PRKDC: variants seen among roughly 807,000 people sequenced by gnomAD.
The protein encoded by PRKDC is DNA-dependent protein kinase catalytic subunit.
Under a neutral mutation model 486.9 loss-of-function variants are expected in PRKDC, and 82 were observed. The ratio of observed to expected loss-of-function variants is 0.17; its 90% CI spans 0.14 to 0.20. The LOEUF (loss-of-function observed/expected upper bound fraction) is 0.20, where lower values mean the gene tolerates loss of function less well. PRKDC is among the 10% of genes least tolerant of loss of function. The probability of loss-of-function intolerance (pLI) is 1.00; values close to 1 mark genes in which losing one functional copy is unlikely to be tolerated. For synonymous variants in PRKDC, 1,895 were observed against 1,837.0 expected (o/e 1.03, Z -0.81); for missense variants, 4,504 against 5,038.2 (o/e 0.89, Z 3.21).
chr8:47,924,215 T>C (rs1291993628), intron 21 of PRKDC, among the ~76,000 whole-genome samples: 1 of 152,110 alleles, frequency 6.6e-6, no homozygotes, highest in Non-Finnish European at 1.5e-5. Flanking sequence ...TCATAATATA[T>C]TTTCCCGGCC....
chr8:47,797,949 G>A (rs181829106), intron 73 of PRKDC, among the ~76,000 whole-genome samples: 5 of 152,310 alleles, frequency 3.3e-5, no homozygotes, highest in African/African-American at 1.2e-4. Context: ...GGGGCAACAA[G>A]TTTCCCACAC....
intron 40 of PRKDC, among the ~76,000 whole-genome samples, chr8:47,872,737 A>G (rs918721617): frequency 1.3e-5 from 2 of 152,204 alleles, no homozygotes; most frequent in Admixed American, 6.5e-5. Flanking sequence ...GCAAGAGGAT[A>G]TAACAATTGT....
intron 18 of PRKDC, among the ~76,000 whole-genome samples, chr8:47,929,648 G>T (rs2090217101): frequency 1.3e-5 from 2 of 152,174 alleles, no homozygotes; most frequent in Admixed American, 6.5e-5. Context: ...AATTAGCCAG[G>T]TGTTTGAGCA....
rs1394742786 is a variant in PRKDC at position 47,776,889 on chromosome 8, T to G, written c.12137A>C (p.Tyr4046Ser). Reference protein sequence around the residue: ...KNWYPRQKICYAKRKLAGANP... With the variant: ...KNWYPRQKICSAKRKLAGANP... ...GGCACCTGCTAACTTTCTCTTAGCG[T>G]AACATATTTTCTGTCGGGGGTACCA... Residue 4046 changes from tyrosine to serine, a missense_variant, in exon 85 of 86, where the codon TAC becomes TCC. This residue lies in a region of PRKDC where 706 missense variants were observed against 945.0 expected (regional missense o/e 0.75). Coordinates refer to ENST00000314191, the MANE Select transcript of PRKDC (RefSeq NM_006904.7). 6.2e-7 allele frequency: 1 copy of G among 1,614,022 alleles called. No homozygotes were observed. Among genetic ancestry groups the G allele is most frequent in the Non-Finnish European group, 8.5e-7 (1 of 1,179,888 alleles).
chr8:47,786,598 T>C (rs139502124), intron 76 of PRKDC, among the ~76,000 whole-genome samples: 41 of 151,846 alleles, frequency 2.7e-4, no homozygotes, highest in African/African-American at 9.4e-4. Context: ...AGTAGTTCAA[T>C]AGAAATAAAT....
At chr8:47,867,405 C>G (rs949074796) in intron 40 of PRKDC, among the ~76,000 whole-genome samples, 2 of 152,122 alleles carry the variant, frequency 1.3e-5, no homozygotes, top group African/African-American at 4.8e-5. Context: ...ATAAGCACTA[C>G]TAATTGGTGT....
At chr8:47,828,993 C>T (rs1001339387) in intron 61 of PRKDC, among the ~76,000 whole-genome samples, 10 of 152,196 alleles carry the variant, frequency 6.6e-5, no homozygotes, top group Admixed American at 4.6e-4. Context: ...TTTATTTATT[C>T]ATGCTGTGAC....
At chr8:47,923,068 T>C (rs2090098883) in intron 21 of PRKDC, among the ~76,000 whole-genome samples, 1 of 146,342 alleles carries the variant, frequency 6.8e-6, no homozygotes, top group Non-Finnish European at 1.5e-5. Flanking sequence ...AAGTCATTCT[T>C]TTTTTTTTTT....
chr8:47,802,413 C>A (rs75840615), intron 70 of PRKDC, among the ~76,000 whole-genome samples: 2,048 of 152,120 alleles, frequency 0.013, 27 homozygotes, highest in Non-Finnish European at 0.019. Flanking sequence ...CAAACCCAAA[C>A]CTGTACAAGA....
In PRKDC at chr8:47,904,851, G is replaced by T. The variant is rs56169650; in HGVS notation, c.3042+18C>A. On this transcript the variant is annotated intron_variant, in intron 26 of 85. Transcript: ENST00000314191. ...CTAATCGATGGGAGTAAGAGGAAAAGAATCAACTATTACTTACCAATATAG... is the reference window on the plus strand; with the variant it reads ...CTAATCGATGGGAGTAAGAGGAAAATAATCAACTATTACTTACCAATATAG... 1,464 of 1,485,702 alleles carry T rather than the reference G, an allele frequency of 9.9e-4. 12 individuals carry two copies. The African/African-American group carries it at 0.018, about 18-fold the overall frequency. The allele number at this position is 1,485,702 out of a possible 1,614,324, so 92.0% of individuals were successfully genotyped here.
chr8:47,809,580 T>C (rs754148478), intron 68 of PRKDC, among the ~76,000 whole-genome samples: 10 of 151,974 alleles, frequency 6.6e-5, no homozygotes, highest in Non-Finnish European at 1.0e-4. Flanking sequence ...AGGGAACAAA[T>C]TAAACAAAGG....
Position 47,849,223 on chromosome 8 carries a change from C to T in PRKDC, c.7211G>A (p.Arg2404His), listed in dbSNP as rs750070103. ...GTACAGCTCTGTCATTCCCTCCACA[C>T]GACAAAGTACCACCTCCAGACAGAG... The part of the protein sequence containing the change: ...KTLCLEVVLC[R>H]VEGMTELYFQ... Residue 2404 changes from arginine to histidine, a missense_variant, in exon 54 of 86, where the codon CGT becomes CAT. Arg to His is a conservative substitution (Grantham distance 29). Around this residue, in one of 6 missense-constraint regions of PRKDC, gnomAD observed 1,592 missense variants for 1,724.6 expected, o/e 0.92. Transcript: ENST00000314191. 11 of 1,614,012 alleles carry T rather than the reference C, an allele frequency of 6.8e-6. No homozygotes were observed. Among genetic ancestry groups the T allele is most frequent in the Admixed American group, 1.7e-5 (1 of 60,020 alleles).
intron 29 of PRKDC, among the ~76,000 whole-genome samples, chr8:47,897,641 C>T (rs2089605563): frequency 6.6e-6 from 1 of 152,158 alleles, no homozygotes; most frequent in Non-Finnish European, 1.5e-5. Flanking sequence ...ATTACCTGTG[C>T]ACTTGTTATA....
intron 7 of PRKDC, among the ~76,000 whole-genome samples, chr8:47,951,724 GGAAAGAAA>G (rs112391082): frequency 1.3e-5 from 2 of 150,690 alleles, no homozygotes; most frequent in Non-Finnish European, 3.0e-5. Context: ...CAAAAAAAAA[GGAAAGAAA>G]GAAAGAAAGA....
intron 24 of PRKDC, among the ~76,000 whole-genome samples, chr8:47,913,393 T>G (rs2089937372): frequency 2.6e-5 from 4 of 152,294 alleles, no homozygotes; most frequent in African/African-American, 9.6e-5. Flanking sequence ...ATTAACGTTT[T>G]GAAAGGCAAT....
chr8:47,928,049 G>A (rs2090182662), intron 19 of PRKDC, among the ~76,000 whole-genome samples, 159 bp from the exon 20 acceptor site: 1 of 151,670 alleles, frequency 6.6e-6, no homozygotes, highest in Non-Finnish European at 1.5e-5. Flanking sequence ...CTCCAGGAAA[G>A]TTAATTTGTC....
chr8:47,864,007 C>A (rs1297813488), intron 41 of PRKDC, among the ~76,000 whole-genome samples: 1 of 152,208 alleles, frequency 6.6e-6, no homozygotes, highest in East Asian at 1.9e-4. Flanking sequence ...CCAAAAGATG[C>A]CCTCATCCCT....
chr8:47,798,248 T>C lies in PRKDC; in HGVS notation c.10447A>G (p.Met3483Val). 7 of 1,611,958 alleles carry C rather than the reference T, an allele frequency of 4.3e-6. No homozygotes were observed. The highest frequency in any genetic ancestry group is 5.9e-6 in the Non-Finnish European group (7 of 1,179,340). The change falls in exon 73 of 86, where the codon ATG becomes GTG. Residue 3483 changes from methionine (M) to valine (V), a missense_variant. Physicochemically the swap from Met to Val is conservative, Grantham distance 21. Around this residue, in one of 6 missense-constraint regions of PRKDC, gnomAD observed 706 missense variants for 945.0 expected, o/e 0.75. Transcript: ENST00000314191. ...ERYPEETLSL[M>V]TKEISSVPCW... Reference sequence around the variant, plus strand: ...ATAAAGACACCAACCTCTTTTGTCATGAGGCTCAAAGTCTCCTCTGGATAC... The same window carrying C: ...ATAAAGACACCAACCTCTTTTGTCACGAGGCTCAAAGTCTCCTCTGGATAC...
intron 24 of PRKDC, among the ~76,000 whole-genome samples, chr8:47,912,936 C>T (rs2089929349): frequency 6.6e-6 from 1 of 152,148 alleles, no homozygotes; most frequent in Admixed American, 6.5e-5. Context: ...ACACGCATAC[C>T]TCATTTTATG....
Sources: gnomAD v4.1 joint callset for allele counts (sites outside exome capture counted in the v4.1 genomes callset) on GRCh38, gnomAD v4.1.1 for gene constraint, gnomAD v4.1.1 regional missense constraint, MANE v1.5 for transcripts, NCBI Gene and HGNC (gene_info 2026-07-23, HGNC 2026-07-21) for gene names.